TAB2: variants seen among roughly 807,000 people sequenced by gnomAD.
The protein encoded by TAB2 is TGF-beta activated kinase 1 (MAP3K7) binding protein 2.
TAB2 carries 3 observed loss-of-function variants against 65.0 expected under a neutral mutation model. The observed-to-expected ratio is 0.05, with a 90% CI of 0.02 to 0.12. The LOEUF (loss-of-function observed/expected upper bound fraction) is 0.12, where lower values mean the gene tolerates loss of function less well. TAB2 is among the 10% of genes least tolerant of loss of function. The probability of loss-of-function intolerance (pLI) is 1.00; values close to 1 mark genes in which losing one functional copy is unlikely to be tolerated. For missense variants in TAB2, 623 were observed against 840.3 expected (o/e 0.74, Z 3.20); for synonymous variants, 298 against 285.1 (o/e 1.05, Z -0.46).
rs189096300 is a variant in TAB2 at position 149,227,818 on chromosome 6, T to C, written c.-121+9042T>C. ...AGATGGGAGTGGTCGCCTTGATCAT[T>C]GTTATTACTGGGTGATGGGTTCGTG... On this transcript the variant is annotated intron_variant, in intron 1 of 1. Transcript: ENST00000606202. Among the ~76,000 whole-genome samples the C allele has an allele frequency of 6.0e-4, 92 of 152,326 alleles. 1 individual carries two copies. The highest frequency in any genetic ancestry group is 3.4e-3 in the Middle Eastern group (1 of 294).
intron 1 of TAB2, among the ~76,000 whole-genome samples, chr6:149,285,592 A>G (rs1318881388): frequency 1.3e-5 from 2 of 152,250 alleles, no homozygotes; most frequent in Non-Finnish European, 2.9e-5. Context: ...TGATACTTAC[A>G]TACCCTCTTT....
chr6:149,385,549 A>C (rs1191512081), intron 3 of TAB2, among the ~76,000 whole-genome samples: 1 of 152,186 alleles, frequency 6.6e-6, no homozygotes, highest in African/African-American at 2.4e-5. Context: ...TGGACCACTT[A>C]CAGAATATTT....
Position 149,379,094 on chromosome 6 carries a change from T to G in TAB2, c.1179T>G (p.Ala393=). The G allele has an allele frequency of 6.2e-7, 1 of 1,614,192 alleles. No homozygotes were observed. Among genetic ancestry groups the G allele is most frequent in the Non-Finnish European group, 8.5e-7 (1 of 1,180,044 alleles). Reference sequence around the variant, plus strand: ...CTAAGGTCTATATTTCAGCGAATGCTGCCACAGGAGATGAACAGGTCATGC... The same window carrying G: ...CTAAGGTCTATATTTCAGCGAATGCGGCCACAGGAGATGAACAGGTCATGC... ...SQPKVYISAN[A]ATGDEQVMRN... is the part of the protein sequence containing the mutation. The change falls in exon 3 of 7, where the codon GCT becomes GCG. Residue 393 remains alanine, a synonymous_variant. Coordinates refer to ENST00000637181, the MANE Select transcript of TAB2 (RefSeq NM_001292034.3).
chr6:149,324,301 T>G (rs997509937), intron 1 of TAB2, among the ~76,000 whole-genome samples: 1 of 152,132 alleles, frequency 6.6e-6, no homozygotes, highest in African/African-American at 2.4e-5. Flanking sequence ...AATAGACTTG[T>G]TTAAAATAAT....
At chr6:149,323,713 C>A (rs1045561986) in intron 1 of TAB2, among the ~76,000 whole-genome samples, 1 of 152,172 alleles carries the variant, frequency 6.6e-6, no homozygotes, top group Admixed American at 6.5e-5. Flanking sequence ...CTTAAGACTT[C>A]TGTCAGGTTA....
Position 149,378,574 on chromosome 6 carries a change from C to T in TAB2, c.659C>T (p.Thr220Ile). The change falls in exon 3 of 7, where the codon ACA becomes ATA. Residue 220 changes from threonine (T) to isoleucine (I), a missense_variant. Transcript: ENST00000637181. Reference protein sequence around the residue: ...GNSIYIRPYITTPGGTTRQTQ... With the variant: ...GNSIYIRPYIITPGGTTRQTQ... ...TCTATCTATATTAGGCCTTACATTA[C>T]AACTCCTGGTGGTACAACTCGACAG... 6.2e-7 allele frequency: 1 copy of T among 1,613,890 alleles called. No individual in the cohort carries two copies. The highest frequency in any genetic ancestry group is 8.5e-7 in the Non-Finnish European group (1 of 1,180,028).
At chr6:149,220,493 C>T (rs79115994) in intron 1 of TAB2, among the ~76,000 whole-genome samples, 5,719 of 152,228 alleles carry the variant, frequency 0.038, 369 homozygotes, top group African/African-American at 0.13. Context: ...CAAATGTTGG[C>T]ATATTGTATT....
intron 1 of TAB2, among the ~76,000 whole-genome samples, chr6:149,354,481 C>T (rs1780591049): frequency 6.6e-6 from 1 of 152,086 alleles, no homozygotes; most frequent in Non-Finnish European, 1.5e-5. Context: ...ACATTATTTT[C>T]ACTTTTTATT....
upstream of TAB2, among the ~76,000 whole-genome samples, chr6:149,313,370 T>G (rs560361003): frequency 2.0e-5 from 3 of 152,198 alleles, no homozygotes; most frequent in African/African-American, 7.2e-5. Flanking sequence ...TGCCCCTGAT[T>G]TCTGTACAAT....
intron 1 of TAB2, among the ~76,000 whole-genome samples, chr6:149,220,179 T>C (rs1336518361): frequency 6.6e-6 from 1 of 152,202 alleles, no homozygotes; most frequent in East Asian, 1.9e-4. Flanking sequence ...GCTGTCTTGG[T>C]TGAAATATGT....
intron 1 of TAB2, among the ~76,000 whole-genome samples, chr6:149,334,516 T>C (rs1311635145): frequency 6.6e-6 from 1 of 151,880 alleles, no homozygotes; most frequent in Admixed American, 6.6e-5. Context: ...CCATCTCTAA[T>C]AAAAATAAAA....
intron 6 of TAB2, among the ~76,000 whole-genome samples, chr6:149,403,337 TATACACACACACAC>T (rs1247067130): frequency 5.8e-4 from 30 of 51,496 alleles, no homozygotes; most frequent in East Asian, 8.3e-4. Context: ...TATACATATA[TATACACACACACAC>T]ACACACACAC....
chr6:149,308,521 CTTATTTAT>C (rs1168345387), intron 1 of TAB2, among the ~76,000 whole-genome samples: 7 of 58,954 alleles, frequency 1.2e-4, no homozygotes, highest in South Asian at 9.4e-4. Context: ...TATTTATTTA[CTTATTTAT>C]TTATTTATTT....
Position 149,411,552 on chromosome 6 carries a change from A to G in TAB2, c.*1833A>G, listed in dbSNP as rs1435852943. On this transcript the variant is annotated 3_prime_UTR_variant, in exon 7 of 7. Transcript: ENST00000637181. The stretch of plus-strand genomic sequence containing the variant: ...TGATGGTTTTGTGATTTAGCTGGGT[A>G]AACTATCTTTGTAACAGATAAGTTA... 1 of 153,388 alleles carries G rather than the reference A, an allele frequency of 6.5e-6. No individual in the cohort carries two copies. The highest frequency in any genetic ancestry group is 1.5e-5 in the Non-Finnish European group (1 of 68,052). The allele number at this position is 153,388 out of a possible 1,614,324, so 9.5% of individuals were successfully genotyped here. A position where few individuals can be genotyped will look rare whatever the true frequency, so the allele number is the denominator to read the frequency against.
intron 3 of TAB2, among the ~76,000 whole-genome samples, chr6:149,394,285 A>G (rs1280611687): frequency 1.3e-5 from 2 of 152,066 alleles, no homozygotes; most frequent in Non-Finnish European, 1.5e-5. Context: ...TGACCCTTTC[A>G]TGATTTCCAC....
At chr6:149,303,373 G>A (rs1414580173) in intron 1 of TAB2, among the ~76,000 whole-genome samples, 1 of 152,148 alleles carries the variant, frequency 6.6e-6, no homozygotes, top group East Asian at 1.9e-4. Flanking sequence ...GAGGACCGTT[G>A]CATCTAATCA....
At chr6:149,389,645 C>CAAAA (rs370622661) in intron 3 of TAB2, among the ~76,000 whole-genome samples, 25 of 86,908 alleles carry the variant, frequency 2.9e-4, no homozygotes, top group African/African-American at 1.0e-3. Context: ...AACTCTGTGT[C>CAAAA]AAAAAAAAAA....
intron 1 of TAB2, among the ~76,000 whole-genome samples, chr6:149,230,716 G>A: frequency 6.6e-6 from 1 of 152,160 alleles, no homozygotes; most frequent in East Asian, 1.9e-4. Flanking sequence ...TAAATTGGAT[G>A]GCTTCAGTGG....
chr6:149,231,343 T>C (rs1487723609), intron 1 of TAB2, among the ~76,000 whole-genome samples: 2 of 152,210 alleles, frequency 1.3e-5, no homozygotes, highest in Non-Finnish European at 2.9e-5. Flanking sequence ...CCATAGAAAA[T>C]GGTGGAAAAA....
Sources: allele counts gnomAD v4.1 joint callset (sites outside exome capture counted in the v4.1 genomes callset), GRCh38; gene constraint gnomAD v4.1.1; transcripts MANE v1.5; gene names NCBI Gene and HGNC (gene_info 2026-07-23, HGNC 2026-07-21).